Variants in ALG5 observed in about 807,000 individuals in gnomAD.
ALG5 encodes the protein dolichyl-phosphate beta-glucosyltransferase.
A neutral mutation model predicts 51.8 loss-of-function variants in ALG5; 26 were observed. The observed-to-expected ratio is 0.50, with a 90% confidence interval of 0.37 to 0.70. The LOEUF (loss-of-function observed/expected upper bound fraction) is 0.70. Among genes scored for constraint, ALG5 ranks in the 30% least tolerant of loss-of-function variants. ALG5 has a pLI of 0.00. For synonymous variants in ALG5, 141 were observed against 136.1 expected (o/e 1.04, Z -0.25); for missense variants, 311 against 399.3 (o/e 0.78, Z 1.88).
chr13:36,985,320 T>C (rs1037656252), intron 6 of ALG5, among the ~76,000 whole-genome samples: 2 of 152,158 alleles, frequency 1.3e-5, no homozygotes, highest in African/African-American at 4.8e-5. Context: ...GAATTCAGGC[T>C]ATACTTTTAA....
chr13:36,970,283 T>C (rs1353465050), intron 7 of ALG5, among the ~76,000 whole-genome samples: 1 of 152,056 alleles, frequency 6.6e-6, no homozygotes, highest in Non-Finnish European at 1.5e-5. Flanking sequence ...ATACATAGAA[T>C]ACTAGACTAG....
At chr13:36,990,474 C>A (rs2059020903) in intron 4 of ALG5, among the ~76,000 whole-genome samples, 1 of 152,212 alleles carries the variant, frequency 6.6e-6, no homozygotes. Context: ...TGCTGATAAT[C>A]CACACAAGGA....
At chr13:36,988,114 C>T (rs931034622) in intron 5 of ALG5, among the ~76,000 whole-genome samples, 3 of 152,112 alleles carry the variant, frequency 2.0e-5, no homozygotes, top group Non-Finnish European at 2.9e-5. Flanking sequence ...AAGACCCCGC[C>T]GAGAATTTGC....
At chr13:36,966,915 A>C (rs1009160128) in intron 7 of ALG5, among the ~76,000 whole-genome samples, 3 of 152,136 alleles carry the variant, frequency 2.0e-5, no homozygotes, top group African/African-American at 7.2e-5. Context: ...AGTGGAACAG[A>C]GTAACAAAGA....
chr13:36,977,354 T>C (rs1158209179), intron 6 of ALG5, among the ~76,000 whole-genome samples: 1 of 152,172 alleles, frequency 6.6e-6, no homozygotes, highest in Non-Finnish European at 1.5e-5. Context: ...CTATGACAGT[T>C]GGCTTTTAAT....
At chr13:36,977,723 T>C (rs549759603) in intron 6 of ALG5, among the ~76,000 whole-genome samples, 34 of 124,938 alleles carry the variant, frequency 2.7e-4, no homozygotes, top group Admixed American at 9.9e-4. Flanking sequence ...ACTCGGGAAG[T>C]GTAGGTTGCA....
chr13:36,977,816 A>AAAAAAAAAAC (rs2058959994), intron 6 of ALG5, among the ~76,000 whole-genome samples: 1 of 14,102 alleles, frequency 7.1e-5, no homozygotes, highest in African/African-American at 1.9e-4. Flanking sequence ...AAAAAAAAAC[A>AAAAAAAAAAC]AAAACGGTGG....
chr13:36,980,249 T>C (rs919752238), intron 6 of ALG5, among the ~76,000 whole-genome samples: 7 of 152,086 alleles, frequency 4.6e-5, no homozygotes, highest in Admixed American at 4.6e-4. Context: ...TTTTATTATT[T>C]TTTGAGACAG....
At chr13:36,982,860 TC>T (rs1211320958) in intron 6 of ALG5, among the ~76,000 whole-genome samples, 1 of 152,166 alleles carries the variant, frequency 6.6e-6, no homozygotes, top group African/African-American at 2.4e-5. Flanking sequence ...TCAAATTAAT[TC>T]AATTGAGCTG....
intron 6 of ALG5, among the ~76,000 whole-genome samples, chr13:36,981,224 T>C (rs1250219955): frequency 6.6e-6 from 1 of 152,010 alleles, no homozygotes; most frequent in Non-Finnish European, 1.5e-5. Context: ...AATTTCTTTT[T>C]GTAGTCATTA....
chr13:36,976,239 G>A (rs1180798129), intron 6 of ALG5, among the ~76,000 whole-genome samples: 2 of 151,174 alleles, frequency 1.3e-5, no homozygotes, highest in Admixed American at 6.6e-5. Context: ...GACCCGTCTG[G>A]CCAACATGGT....
intron 4 of ALG5, among the ~76,000 whole-genome samples, chr13:36,989,953 C>A (rs1250033106): frequency 6.6e-6 from 1 of 152,212 alleles, no homozygotes; most frequent in Non-Finnish European, 1.5e-5. Context: ...GCCCTTAACA[C>A]TGGTTAATGA....
intron 1 of ALG5, among the ~76,000 whole-genome samples, chr13:36,998,058 A>G (rs1277926168): frequency 1.3e-5 from 2 of 152,224 alleles, no homozygotes; most frequent in African/African-American, 4.8e-5. Context: ...AAGTACTACA[A>G]TCAATAAATG....
intron 1 of ALG5, among the ~76,000 whole-genome samples, chr13:36,998,437 A>C (rs2059061803): frequency 6.6e-6 from 1 of 152,190 alleles, no homozygotes; most frequent in Non-Finnish European, 1.5e-5. Flanking sequence ...GCTAATCTGA[A>C]TGTCAAGGAA....
chr13:36,961,814 C>T (rs1383581367), intron 8 of ALG5, among the ~76,000 whole-genome samples: 1 of 152,156 alleles, frequency 6.6e-6, no homozygotes, highest in Non-Finnish European at 1.5e-5. Flanking sequence ...CAGAGTTTCA[C>T]TCTGTCACCC....
chr13:36,959,265 GT>G (rs1004340091), intron 8 of ALG5, among the ~76,000 whole-genome samples: 51 of 150,772 alleles, frequency 3.4e-4, no homozygotes, highest in African/African-American at 1.1e-3. Context: ...GGGGAATAAG[GT>G]TTTTTTTTGG....
chr13:36,982,111 A>C (rs2058982440), intron 6 of ALG5, among the ~76,000 whole-genome samples: 2 of 146,146 alleles, frequency 1.4e-5, no homozygotes. Flanking sequence ...AAACAAACAA[A>C]CAACAACAAC....
At chr13:36,962,730 T>C (rs1220308016) in intron 8 of ALG5, among the ~76,000 whole-genome samples, 2 of 152,178 alleles carry the variant, frequency 1.3e-5, no homozygotes, top group Non-Finnish European at 2.9e-5. Flanking sequence ...TTAATGTTCT[T>C]TAACTTAACC....
intron 5 of ALG5, among the ~76,000 whole-genome samples, chr13:36,986,020 T>C (rs1179876553): frequency 6.6e-6 from 1 of 152,182 alleles, no homozygotes; most frequent in Non-Finnish European, 1.5e-5. Context: ...ATTAAAGATA[T>C]TCTGCATCAC....
Sources: allele counts gnomAD v4.1 joint callset (sites outside exome capture counted in the v4.1 genomes callset), GRCh38; gene constraint gnomAD v4.1.1; transcripts MANE v1.5; gene names NCBI Gene and HGNC (gene_info 2026-07-23, HGNC 2026-07-21).